TRIOBP: variants seen among roughly 807,000 people sequenced by gnomAD.
The protein encoded by TRIOBP is TRIO and F-actin binding protein.
A neutral mutation model predicts 238.8 loss-of-function variants in TRIOBP; 169 were observed. That is an observed-to-expected ratio of 0.71 (90% CI 0.62 to 0.80). TRIOBP has a LOEUF of 0.80. TRIOBP is among the 30% of genes least tolerant of loss of function. The pLI is 0.00. For missense variants in TRIOBP, 2,838 were observed against 3,122.6 expected (o/e 0.91, Z 2.17); for synonymous variants, 1,150 against 1,274.4 (o/e 0.90, Z 2.08).
rs564735253 is a variant in TRIOBP, at chr22:37,744,902, G to A, written c.5322+3870G>A. On this transcript the variant is annotated intron_variant, in intron 11 of 23. Coordinates refer to ENST00000644935, the MANE Select transcript of TRIOBP (RefSeq NM_001039141.3). Reference sequence around the variant, plus strand: ...TTTTTTTGAGAGGGAGTCTCGCTCCGTCTCCCAAGGTGGAGTGCAGTGGCA... The same window carrying A: ...TTTTTTTGAGAGGGAGTCTCGCTCCATCTCCCAAGGTGGAGTGCAGTGGCA... Among the ~76,000 whole-genome samples, 9 of 151,932 alleles carry A rather than the reference G, an allele frequency of 5.9e-5. No individual in the cohort carries two copies. The East Asian group carries it at 7.7e-4, about 13-fold the overall frequency.
chr22:37,725,915 C>A lies in TRIOBP; in HGVS notation c.3359C>A (p.Pro1120His), dbSNP rs777781102. The A allele has an allele frequency of 6.2e-7, 1 of 1,613,806 alleles. No homozygotes were observed. The highest frequency in any genetic ancestry group is 8.5e-7 in the Non-Finnish European group (1 of 1,179,946). ...APVCIGYRDA[P>H]RASSPPRQAP... ...GTGTGTATTGGGTACCGAGATGCACCCCGGGCCTCCTCCCCACCACGCCAG... is the reference window on the plus strand; with the variant it reads ...GTGTGTATTGGGTACCGAGATGCACACCGGGCCTCCTCCCCACCACGCCAG... The change falls in exon 7 of 24, where the codon CCC (proline) becomes CAC (histidine). Residue 1120 changes from proline to histidine, a missense_variant. Around this residue, in one of 5 missense-constraint regions of TRIOBP, gnomAD observed 2,096 missense variants for 2,137.4 expected, o/e 0.98. Coordinates refer to ENST00000644935, the MANE Select transcript of TRIOBP (RefSeq NM_001039141.3).
chr22:37,743,842 T>TGTGTGTGC (rs1433842741), intron 11 of TRIOBP, among the ~76,000 whole-genome samples: 1 of 115,186 alleles, frequency 8.7e-6, no homozygotes, highest in Non-Finnish European at 1.7e-5. Context: ...TGTGTGTGTG[T>TGTGTGTGC]GTGCTGGGTG....
chr22:37,716,721 A>C (rs1569036984), intron 6 of TRIOBP, among the ~76,000 whole-genome samples: 1 of 152,256 alleles, frequency 6.6e-6, no homozygotes, highest in African/African-American at 2.4e-5. Context: ...GACTTCTCTA[A>C]ATAGTAGGGA....
chr22:37,720,000 CTTTTTTTT>C (rs869261824), intron 6 of TRIOBP, among the ~76,000 whole-genome samples: 136 of 54,278 alleles, frequency 2.5e-3, no homozygotes, highest in South Asian at 8.3e-3. Flanking sequence ...CCCCCCCGCC[CTTTTTTTT>C]TTTTTTTTTT....
At chr22:37,767,939 G>T in intron 18 of TRIOBP, 135 bp from the exon 19 acceptor site, 1 of 754,574 alleles carries the variant, frequency 1.3e-6, no homozygotes. Flanking sequence ...CTTGGTCCAA[G>T]TCCATAGTAC....
intron 3 of TRIOBP, among the ~76,000 whole-genome samples, chr22:37,705,499 G>A (rs190461093): frequency 5.9e-5 from 9 of 152,186 alleles, no homozygotes; most frequent in East Asian, 3.9e-4. Context: ...GGAGAATGGG[G>A]GGAGGCCTGG....
chr22:37,764,986 CA>C (rs982139098), intron 17 of TRIOBP, among the ~76,000 whole-genome samples: 3 of 151,904 alleles, frequency 2.0e-5, no homozygotes, highest in Non-Finnish European at 4.4e-5. Flanking sequence ...GTAAAGTTGC[CA>C]AAAAAACATT....
intron 6 of TRIOBP, among the ~76,000 whole-genome samples, chr22:37,722,418 A>T (rs1194881175): frequency 7.1e-5 from 9 of 127,166 alleles, no homozygotes; most frequent in Non-Finnish European, 1.1e-4. Flanking sequence ...ACAGAACGAG[A>T]CTCTGTCTCA....
chr22:37,698,778 G>A (rs2145807246), intron 2 of TRIOBP, among the ~76,000 whole-genome samples: 1 of 150,710 alleles, frequency 6.6e-6, no homozygotes, highest in South Asian at 2.1e-4. Flanking sequence ...GGAGTTTGAG[G>A]TTGCAAGGAG....
At chr22:37,730,946 CAAAAA>C (rs11316099) in intron 7 of TRIOBP, among the ~76,000 whole-genome samples, 2 of 83,846 alleles carry the variant, frequency 2.4e-5, no homozygotes. Flanking sequence ...GACTCCATCT[CAAAAA>C]AAAAAAAAAA....
chr22:37,748,370 G>A (rs1387225178), intron 11 of TRIOBP, among the ~76,000 whole-genome samples: 2 of 152,108 alleles, frequency 1.3e-5, no homozygotes, highest in African/African-American at 4.8e-5. Context: ...GTGAGGCTCC[G>A]GGGCTTCAGG....
At chr22:37,758,292 G>C (rs908845669) in intron 16 of TRIOBP, among the ~76,000 whole-genome samples, 154 bp downstream of exon 16, 1 of 152,232 alleles carries the variant, frequency 6.6e-6, no homozygotes, top group African/African-American at 2.4e-5. Flanking sequence ...CTGCGAACTA[G>C]AATCTTCTTC....
intron 6 of TRIOBP, among the ~76,000 whole-genome samples, chr22:37,719,989 C>CACACTG (rs367687004): frequency 1.4e-5 from 1 of 71,262 alleles, no homozygotes; most frequent in African/African-American, 6.1e-5. Flanking sequence ...TTTCACTCAT[C>CACACTG]CCCCCCCGCC....
intron 8 of TRIOBP, 151 bp from the exon 9 acceptor site, chr22:37,734,248 G>T (rs1270391654): frequency 1.9e-5 from 14 of 732,300 alleles, no homozygotes; most frequent in Admixed American, 4.4e-5. Context: ...CCCCGGAGGG[G>T]TGGGGCAGAG....
In TRIOBP at chr22:37,726,269, C is replaced by T. The variant is rs556799388; in HGVS notation, c.3713C>T (p.Ala1238Val). Residue 1238 changes from alanine (A) to valine (V), a missense_variant, in exon 7 of 24, where the codon GCG becomes GTG. By Grantham distance (64) the Ala-to-Val change is moderately conservative. Coordinates refer to ENST00000644935, the MANE Select transcript of TRIOBP (RefSeq NM_001039141.3). Reference protein sequence around the residue: ...SPPRHPPSDLAFLAPSPSPGS... With the variant: ...SPPRHPPSDLVFLAPSPSPGS... Reference sequence around the variant, plus strand: ...CCCCGCCACCCACCCAGTGACCTAGCGTTCCTGGCACCCTCACCTTCACCG... The same window carrying T: ...CCCCGCCACCCACCCAGTGACCTAGTGTTCCTGGCACCCTCACCTTCACCG... 73 of 1,612,960 alleles carry T rather than the reference C, an allele frequency of 4.5e-5. No individual in the cohort carries two copies. Among genetic ancestry groups the T allele is most frequent in the Non-Finnish European group, 4.5e-5 (53 of 1,179,920 alleles).
In TRIOBP at chr22:37,734,442, G is replaced by T; in HGVS notation, c.4106G>T (p.Ser1369Ile). The T allele has an allele frequency of 2.5e-6, 4 of 1,613,240 alleles. No homozygotes were observed. In the South Asian group the frequency reaches 4.4e-5, roughly 18 times the overall value. ...AAACAGGCAGAACTGACCCGGCGGA[G>T]CCAAGCAGAGCCCCCTCATCCTTGG... Reference protein sequence around the residue: ...PAKQAELTRRSQAEPPHPWSP... With the variant: ...PAKQAELTRRIQAEPPHPWSP... The change falls in exon 9 of 24, where the codon AGC becomes ATC. Residue 1369 changes from serine (S) to isoleucine (I), a missense_variant. Ser to Ile is a moderately radical substitution (Grantham distance 142, BLOSUM62 -2). This residue lies in a region of TRIOBP where 2,096 missense variants were observed against 2,137.4 expected (regional missense o/e 0.98). Coordinates refer to ENST00000644935, the MANE Select transcript of TRIOBP (RefSeq NM_001039141.3).
intron 4 of TRIOBP, 34 bp from the exon 5 acceptor site, chr22:37,713,176 C>T (rs769047899): frequency 6.3e-6 from 10 of 1,588,358 alleles, no homozygotes; most frequent in East Asian, 2.3e-5. Context: ...GCTCCTAACT[C>T]CCCATTACTT....
intron 7 of TRIOBP, 88 bp from the exon 8 acceptor site, chr22:37,733,210 C>T: frequency 2.8e-6 from 3 of 1,055,092 alleles, no homozygotes; most frequent in African/African-American, 1.6e-5. Context: ...GGCTGTCCCA[C>T]ATCTCCTCCT....
Position 37,726,045 on chromosome 22 carries a change from T to C in TRIOBP, c.3489T>C (p.Pro1163=). 6.2e-7 allele frequency: 1 copy of C among 1,611,162 alleles called. No individual in the cohort carries two copies. Among genetic ancestry groups the C allele is most frequent in the Non-Finnish European group, 8.5e-7 (1 of 1,178,940 alleles). The change falls in exon 7 of 24, where the codon CCT becomes CCC. Residue 1163 remains proline (P), a synonymous_variant. Transcript: ENST00000644935. ...SLHECPHIPT[P]VCIGHRDAPS... ...ACGAGTGCCCCCACATCCCCACCCC[T>C]GTGTGCATTGGGCACCGGGATGCAC...
Sources: gnomAD v4.1 joint callset for allele counts (sites outside exome capture counted in the v4.1 genomes callset) on GRCh38, gnomAD v4.1.1 for gene constraint, gnomAD v4.1.1 regional missense constraint, MANE v1.5 for transcripts, NCBI Gene and HGNC (gene_info 2026-07-23, HGNC 2026-07-21) for gene names.